Variants in AGPAT4 observed in about 807,000 individuals in gnomAD.
The protein encoded by AGPAT4 is 1-acyl-sn-glycerol-3-phosphate acyltransferase delta.
In AGPAT4, 15 loss-of-function variants were observed where a neutral mutation model predicts 48.0. That is an observed-to-expected ratio of 0.31 (90% confidence interval 0.21 to 0.48). AGPAT4 has a LOEUF of 0.48. Among genes scored for constraint, AGPAT4 ranks in the 20% least tolerant of loss-of-function variants. The probability of loss-of-function intolerance (pLI) is 0.99; values close to 1 mark genes in which losing one functional copy is unlikely to be tolerated. For missense variants in AGPAT4, 314 were observed against 482.5 expected (o/e 0.65, Z 3.27); for synonymous variants, 178 against 198.7 (o/e 0.90, Z 0.88).
At chr6:161,210,496 T>C (rs1001795569) in intron 2 of AGPAT4, among the ~76,000 whole-genome samples, 3 of 152,220 alleles carry the variant, frequency 2.0e-5, no homozygotes, top group Non-Finnish European at 2.9e-5. Context: ...GTACACAATG[T>C]TTCACTACTG....
At position 161,229,563 on chromosome 6, in the gene AGPAT4, C is replaced by T. The variant is rs1307760035; in HGVS notation, c.178+2473G>A. Among the ~76,000 whole-genome samples, 2 of 152,058 alleles carry T rather than the reference C, an allele frequency of 1.3e-5. No individual in the cohort carries two copies. The highest frequency in any genetic ancestry group is 2.4e-5 in the African/African-American group (1 of 41,398). On this transcript the variant is annotated intron_variant, in intron 2 of 8. Coordinates refer to ENST00000320285, the MANE Select transcript of AGPAT4 (RefSeq NM_020133.3). This position sits in a 1 kb window ranked among gnomAD's most constrained non-coding sequence, Gnocchi z 6.0. ...AGCAAGGAAAAGGAACCAGGAAAAG[C>T]GAACAGCCCTGCTAACACCTATGGG...
Position 161,154,015 on chromosome 6 carries a change from A to T in AGPAT4, c.510+134T>A, listed in dbSNP as rs1779686244. 1 of 1,194,006 alleles carries T rather than the reference A, an allele frequency of 8.4e-7. No individual in the cohort carries two copies. Among genetic ancestry groups the T allele is most frequent in the African/African-American group, 1.5e-5 (1 of 66,486 alleles). The allele number at this position is 1,194,006 out of a possible 1,614,324, so 74.0% of individuals were successfully genotyped here. A position where few individuals can be genotyped will look rare whatever the true frequency, so the allele number is the denominator to read the frequency against. ...CACATACATCCCTGAGGTTATACAC[A>T]GCCCTATGGTCACACACAGCCCTGG... On this transcript the variant is annotated intron_variant, in intron 4 of 8. Coordinates refer to ENST00000320285, the MANE Select transcript of AGPAT4 (RefSeq NM_020133.3). This position sits in a 1 kb window ranked among gnomAD's most constrained non-coding sequence, Gnocchi z 7.8.
rs1356416775 is a variant in AGPAT4, at chr6:161,137,977, C to T, written c.1043-1343G>A. On this transcript the variant is annotated intron_variant, in intron 8 of 8. Transcript: ENST00000320285. The surrounding 1 kb of genome is among the most constrained non-coding windows in gnomAD (Gnocchi z 6.1). ...GGTACTCGCTACACAGCTGGGTGGCCCTGTCTGCAGCCTTCATCCTGAAGG... is the reference window on the plus strand; with the variant it reads ...GGTACTCGCTACACAGCTGGGTGGCTCTGTCTGCAGCCTTCATCCTGAAGG... 6.6e-6 allele frequency among the ~76,000 whole-genome samples: 1 copy of T among 152,214 alleles called. No individual in the cohort carries two copies. Among genetic ancestry groups the T allele is most frequent in the African/African-American group, 2.4e-5 (1 of 41,456 alleles).
intron 1 of AGPAT4, among the ~76,000 whole-genome samples, chr6:161,257,240 A>C (rs1782967527): frequency 6.6e-6 from 1 of 152,268 alleles, no homozygotes; most frequent in Non-Finnish European, 1.5e-5. Flanking sequence ...ACGGAAGACC[A>C]CTAACAAGAA....
Position 161,218,420 on chromosome 6 carries a change from G to A in AGPAT4, c.178+13616C>T, listed in dbSNP as rs576884078. Reference sequence around the variant, plus strand: ...CACGACTCCCTCTGCTGGCATGATGGTCTGACTAAGTGGGGAAATCACAGC... The same window carrying A: ...CACGACTCCCTCTGCTGGCATGATGATCTGACTAAGTGGGGAAATCACAGC... On this transcript the variant is annotated intron_variant, in intron 2 of 8. Coordinates refer to ENST00000320285, the MANE Select transcript of AGPAT4 (RefSeq NM_020133.3). The surrounding 1 kb of genome is among the most constrained non-coding windows in gnomAD (Gnocchi z 4.7). Among the ~76,000 whole-genome samples the A allele has an allele frequency of 6.6e-6, 1 of 152,322 alleles. No homozygotes were observed. Among genetic ancestry groups the A allele is most frequent in the Non-Finnish European group, 1.5e-5 (1 of 68,030 alleles).
At chr6:161,248,375 C>A (rs1582907816) in intron 1 of AGPAT4, among the ~76,000 whole-genome samples, 1 of 152,046 alleles carries the variant, frequency 6.6e-6, no homozygotes, top group East Asian at 1.9e-4. Flanking sequence ...GAGATCGAGA[C>A]CATACTGGCT....
rs1254402428 is a variant in AGPAT4 at position 161,144,290 on chromosome 6, G to A, written c.843+2234C>T. ...CCCTGCACGGAGAGAGAAAGGGCCT[G>A]GACTCCAGCACCTGGCTTTGATCAG... On this transcript the variant is annotated intron_variant, in intron 7 of 8. Coordinates refer to ENST00000320285, the MANE Select transcript of AGPAT4 (RefSeq NM_020133.3). This position sits in a 1 kb window ranked among gnomAD's most constrained non-coding sequence, Gnocchi z 6.6. 1 of 465,262 alleles carries A rather than the reference G, an allele frequency of 2.1e-6. No homozygotes were observed. The allele number at this position is 465,262 out of a possible 1,614,324, so 28.8% of individuals were successfully genotyped here.
In AGPAT4 at chr6:161,154,559, C is replaced by T. The variant is rs79360989; in HGVS notation, c.349-249G>A. Among the ~76,000 whole-genome samples, 1,779 of 152,188 alleles carry T rather than the reference C, an allele frequency of 0.012. 35 individuals are homozygous for T. The highest frequency in any genetic ancestry group is 0.041 in the African/African-American group (1,682 of 41,504). ...GGGGCACCCTGGTTCTCAGCGCAGA[C>T]GGCAGGAGTCAAGAAGGCAGCAGCG... On this transcript the variant is annotated intron_variant, in intron 3 of 8. Transcript: ENST00000320285. The surrounding 1 kb of genome is among the most constrained non-coding windows in gnomAD (Gnocchi z 7.8).
chr6:161,212,753 ATTGTC>A lies in AGPAT4; in HGVS notation c.178+19278_178+19282del, dbSNP rs918241245. Among the ~76,000 whole-genome samples the A allele has an allele frequency of 6.6e-6, 1 of 152,158 alleles. No individual in the cohort carries two copies. Among genetic ancestry groups the A allele is most frequent in the Non-Finnish European group, 1.5e-5 (1 of 68,024 alleles). On this transcript the variant is annotated intron_variant, in intron 2 of 8. Coordinates refer to ENST00000320285, the MANE Select transcript of AGPAT4 (RefSeq NM_020133.3). This position sits in a 1 kb window ranked among gnomAD's most constrained non-coding sequence, Gnocchi z 6.1. ...TAATACATTTTGTCATCCATGGACA[ATTGTC>A]TTGTTTTGGTCCTCCTTAGAAGGTG... is the stretch of plus-strand genomic sequence containing the variant.
rs1780474002 is a variant in AGPAT4, at chr6:161,177,999, C to G, written c.179-11582G>C. Among the ~76,000 whole-genome samples, 1 of 152,190 alleles carries G rather than the reference C, an allele frequency of 6.6e-6. No homozygotes were observed. The highest frequency in any genetic ancestry group is 1.5e-5 in the Non-Finnish European group (1 of 68,050). The stretch of plus-strand genomic sequence containing the variant: ...AGAACAGCAAATGTTGCTGCCTGAT[C>G]CTTCCTCTGAAAGCTTCGTCTCAGA... On this transcript the variant is annotated intron_variant, in intron 2 of 8. Coordinates refer to ENST00000320285, the MANE Select transcript of AGPAT4 (RefSeq NM_020133.3). This position sits in a 1 kb window ranked among gnomAD's most constrained non-coding sequence, Gnocchi z 5.0.
At chr6:161,263,271 C>T (rs945485682) in intron 1 of AGPAT4, among the ~76,000 whole-genome samples, 1 of 152,166 alleles carries the variant, frequency 6.6e-6, no homozygotes, top group African/African-American at 2.4e-5. Flanking sequence ...AGGCTGGGCG[C>T]AGTAGTTCAT....
Position 161,140,192 on chromosome 6 carries a change from G to A in AGPAT4, c.844-572C>T, listed in dbSNP as rs190353972. Among the ~76,000 whole-genome samples, 3 of 152,356 alleles carry A rather than the reference G, an allele frequency of 2.0e-5. No homozygotes were observed. The highest frequency in any genetic ancestry group is 2.0e-4 in the Admixed American group (3 of 15,314). On this transcript the variant is annotated intron_variant, in intron 7 of 8. Coordinates refer to ENST00000320285, the MANE Select transcript of AGPAT4 (RefSeq NM_020133.3). The surrounding 1 kb of genome is among the most constrained non-coding windows in gnomAD (Gnocchi z 6.5). Reference sequence around the variant, plus strand: ...TTGCCACTGGAGGGCTCTGAGGGCCGTGATTCAAGGCATCATGAATGACAA... The same window carrying A: ...TTGCCACTGGAGGGCTCTGAGGGCCATGATTCAAGGCATCATGAATGACAA...
Position 161,229,773 on chromosome 6 carries a change from T to C in AGPAT4, c.178+2263A>G, listed in dbSNP as rs1048671024. ...AGGAATCTTCCCTTCCCGCTTCGGA[T>C]TGTTTAAAAATGCTTCCACTATCGC... On this transcript the variant is annotated intron_variant, in intron 2 of 8. Coordinates refer to ENST00000320285, the MANE Select transcript of AGPAT4 (RefSeq NM_020133.3). This position sits in a 1 kb window ranked among gnomAD's most constrained non-coding sequence, Gnocchi z 6.0. Among the ~76,000 whole-genome samples, 3 of 152,096 alleles carry C rather than the reference T, an allele frequency of 2.0e-5. No individual in the cohort carries two copies. Among genetic ancestry groups the C allele is most frequent in the Non-Finnish European group, 2.9e-5 (2 of 68,018 alleles).
At position 161,231,969 on chromosome 6, in the gene AGPAT4, C is replaced by T; in HGVS notation, c.178+67G>A. 8 of 1,481,132 alleles carry T rather than the reference C, an allele frequency of 5.4e-6. No individual in the cohort carries two copies. The South Asian group carries it at 1.1e-4, about 20-fold the overall frequency. 91.7% of individuals were successfully genotyped at this position (1,481,132 alleles called of 1,614,324 possible). A position where few individuals can be genotyped will look rare whatever the true frequency, so the allele number is the denominator to read the frequency against. On this transcript the variant is annotated intron_variant, in intron 2 of 8. Coordinates refer to ENST00000320285, the MANE Select transcript of AGPAT4 (RefSeq NM_020133.3). The surrounding 1 kb of genome is among the most constrained non-coding windows in gnomAD (Gnocchi z 5.3). ...CAACGAAAGCCTAGTGAATCCATAT[C>T]AAGAGCCATAATTCTGATACACACA...
In AGPAT4 at chr6:161,222,134, G is replaced by C. The variant is rs1245059847; in HGVS notation, c.178+9902C>G. Among the ~76,000 whole-genome samples the C allele has an allele frequency of 6.6e-6, 1 of 152,122 alleles. No individual in the cohort carries two copies. The highest frequency in any genetic ancestry group is 1.5e-5 in the Non-Finnish European group (1 of 68,036). The stretch of plus-strand genomic sequence containing the variant: ...CTTCCTTGTCACCCCTGGTCTCAGG[G>C]CCTCTGCCACACCCAGCCTGGAAGA... On this transcript the variant is annotated intron_variant, in intron 2 of 8. Transcript: ENST00000320285. This position sits in a 1 kb window ranked among gnomAD's most constrained non-coding sequence, Gnocchi z 5.9.
In AGPAT4 at chr6:161,240,277, T is replaced by C. The variant is rs1260441293; in HGVS notation, c.-89-7975A>G. On this transcript the variant is annotated intron_variant, in intron 1 of 8. Transcript: ENST00000320285. This position sits in a 1 kb window ranked among gnomAD's most constrained non-coding sequence, Gnocchi z 5.5. ...ACACACACACACACACTTAAACAAG[T>C]CTGTCCACCTGGAAGCCTGGGCTGG... 6.6e-6 allele frequency among the ~76,000 whole-genome samples: 1 copy of C among 150,392 alleles called. No homozygotes were observed. The highest frequency in any genetic ancestry group is 1.5e-5 in the Non-Finnish European group (1 of 67,670).
At chr6:161,239,418 T>C (rs1263838549) in intron 1 of AGPAT4, among the ~76,000 whole-genome samples, 3 of 152,368 alleles carry the variant, frequency 2.0e-5, no homozygotes, top group South Asian at 2.1e-4. Flanking sequence ...ACTTCAGTCA[T>C]ACTCAGGAAG....
intron 3 of AGPAT4, among the ~76,000 whole-genome samples, chr6:161,162,394 C>T (rs1396538844): frequency 2.6e-5 from 4 of 152,228 alleles, no homozygotes; most frequent in East Asian, 3.8e-4. Flanking sequence ...CTGCCCCGGG[C>T]GCCCGCTCTC....
chr6:161,166,490 T>C lies in AGPAT4; in HGVS notation c.179-73A>G. The C allele has an allele frequency of 6.7e-7, 1 of 1,493,424 alleles. No homozygotes were observed. Among genetic ancestry groups the C allele is most frequent in the Non-Finnish European group, 8.9e-7 (1 of 1,118,592 alleles). 92.5% of individuals were successfully genotyped at this position (1,493,424 alleles called of 1,614,324 possible). A position where few individuals can be genotyped will look rare whatever the true frequency, so the allele number is the denominator to read the frequency against. On this transcript the variant is annotated intron_variant, in intron 2 of 8. Coordinates refer to ENST00000320285, the MANE Select transcript of AGPAT4 (RefSeq NM_020133.3). This position sits in a 1 kb window ranked among gnomAD's most constrained non-coding sequence, Gnocchi z 6.7. Reference sequence around the variant, plus strand: ...CTGGGAGCCCTGCTGAGAGCAGGGCTCTGCCCTCCCAGCTAGGGGAGAAAG... The same window carrying C: ...CTGGGAGCCCTGCTGAGAGCAGGGCCCTGCCCTCCCAGCTAGGGGAGAAAG...
Sources: allele counts gnomAD v4.1 joint callset (sites outside exome capture counted in the v4.1 genomes callset), GRCh38; gene constraint gnomAD v4.1.1; non-coding constraint Gnocchi (gnomAD v3.1); transcripts MANE v1.5; gene names NCBI Gene and HGNC (gene_info 2026-07-23, HGNC 2026-07-21).